Variants in ETV6 observed in about 807,000 individuals in gnomAD.
The protein encoded by ETV6 is transcription factor ETV6.
A neutral mutation model predicts 51.1 loss-of-function variants in ETV6; 16 were observed. That is an observed-to-expected ratio of 0.31 (90% CI 0.21 to 0.48). The LOEUF (loss-of-function observed/expected upper bound fraction) is 0.48. Among genes scored for constraint, ETV6 ranks in the 20% least tolerant of loss-of-function variants. ETV6 has a pLI of 0.99. For missense variants in ETV6, 458 were observed against 594.8 expected (o/e 0.77, Z 2.39); for synonymous variants, 240 against 224.1 (o/e 1.07, Z -0.64).
chr12:11,855,510 C>T (rs529567135), intron 4 of ETV6, among the ~76,000 whole-genome samples: 2 of 152,308 alleles, frequency 1.3e-5, no homozygotes, highest in South Asian at 4.1e-4. Flanking sequence ...GACCTCAAAC[C>T]CTGGTCCCTT....
chr12:11,887,140 TA>T (rs1947202760), intron 7 of ETV6, among the ~76,000 whole-genome samples: 1 of 152,088 alleles, frequency 6.6e-6, no homozygotes, highest in Non-Finnish European at 1.5e-5. Context: ...GGAAACAGAA[TA>T]GAAGGAATAA....
At chr12:11,726,614 G>GA (rs1438788457) in intron 1 of ETV6, among the ~76,000 whole-genome samples, 2 of 151,976 alleles carry the variant, frequency 1.3e-5, no homozygotes, top group Non-Finnish European at 2.9e-5. Flanking sequence ...TTCATCCCTA[G>GA]AAAAAACAAT....
chr12:11,714,916 G>A (rs1865246731), intron 1 of ETV6, among the ~76,000 whole-genome samples: 1 of 152,178 alleles, frequency 6.6e-6, no homozygotes. Context: ...GTTTTGAAGA[G>A]ATGACTGACA....
intron 2 of ETV6, among the ~76,000 whole-genome samples, chr12:11,799,502 A>T (rs1236078822): frequency 1.3e-5 from 2 of 152,160 alleles, no homozygotes; most frequent in Non-Finnish European, 2.9e-5. Flanking sequence ...TATGAAAGAG[A>T]GGAGAGGAGA....
At chr12:11,812,845 C>T (rs1242861745) in intron 2 of ETV6, among the ~76,000 whole-genome samples, 1 of 152,178 alleles carries the variant, frequency 6.6e-6, no homozygotes, top group Non-Finnish European at 1.5e-5. Context: ...TTCACCACCA[C>T]AAGGGGAAAT....
At chr12:11,820,026 C>A (rs540745697) in intron 2 of ETV6, among the ~76,000 whole-genome samples, 2 of 152,222 alleles carry the variant, frequency 1.3e-5, no homozygotes, top group Admixed American at 1.3e-4. Context: ...TTATGAAGTT[C>A]GCAATCCATA....
At chr12:11,651,247 T>A (rs2120591409) in intron 1 of ETV6, among the ~76,000 whole-genome samples, 1 of 152,374 alleles carries the variant, frequency 6.6e-6, no homozygotes, top group Middle Eastern at 3.4e-3. Flanking sequence ...GTGTGTTCAC[T>A]GAATGGACAC....
intron 1 of ETV6, among the ~76,000 whole-genome samples, chr12:11,699,400 C>T (rs892704597): frequency 5.9e-5 from 9 of 152,054 alleles, no homozygotes; most frequent in South Asian, 2.1e-4. Flanking sequence ...CCATAAAACA[C>T]GAATCATCTG....
intron 2 of ETV6, among the ~76,000 whole-genome samples, chr12:11,781,091 C>A (rs1269865343): frequency 6.6e-6 from 1 of 152,198 alleles, no homozygotes; most frequent in Non-Finnish European, 1.5e-5. Flanking sequence ...TAAACCCCTG[C>A]TTTAAGAAAA....
At chr12:11,693,122 C>A (rs909840076) in intron 1 of ETV6, among the ~76,000 whole-genome samples, 4 of 152,084 alleles carry the variant, frequency 2.6e-5, no homozygotes, top group Non-Finnish European at 5.9e-5. Context: ...TAGAGAGTGC[C>A]TACCTCTCCT....
intron 1 of ETV6, among the ~76,000 whole-genome samples, chr12:11,692,174 TA>T (rs1309364280): frequency 6.6e-6 from 1 of 152,024 alleles, no homozygotes; most frequent in Non-Finnish European, 1.5e-5. Context: ...ATTAATGGAT[TA>T]ATGGGTTATT....
At chr12:11,888,398 C>CTTTTCTTTTTTTTTTTTT (rs753710183) in intron 7 of ETV6, among the ~76,000 whole-genome samples, 1 of 80,682 alleles carries the variant, frequency 1.2e-5, no homozygotes, top group African/African-American at 4.5e-5. Context: ...CTTTTCTTTT[C>CTTTTCTTTTTTTTTTTTT]TTTTTTTTTT....
chr12:11,650,507 A>ACAAG (rs1863883598), intron 1 of ETV6, among the ~76,000 whole-genome samples: 1 of 147,426 alleles, frequency 6.8e-6, no homozygotes, highest in Non-Finnish European at 1.5e-5. Context: ...AAAAAACAAA[A>ACAAG]AAAAAAAACC....
chr12:11,738,654 G>A (rs953470055), intron 1 of ETV6, among the ~76,000 whole-genome samples: 1 of 152,082 alleles, frequency 6.6e-6, no homozygotes, highest in Non-Finnish European at 1.5e-5. Flanking sequence ...TGGGAGTCAG[G>A]CCAGCAAATG....
chr12:11,784,704 C>T (rs553843152), intron 2 of ETV6, among the ~76,000 whole-genome samples: 1 of 151,756 alleles, frequency 6.6e-6, no homozygotes. Context: ...TGTAAAGATA[C>T]TGTGTTTTTT....
At chr12:11,681,556 GTTTTA>G (rs1864531823) in intron 1 of ETV6, among the ~76,000 whole-genome samples, 1 of 151,940 alleles carries the variant, frequency 6.6e-6, no homozygotes, top group South Asian at 2.1e-4. Context: ...AAATTCTCAC[GTTTTA>G]TTTATTATTA....
At chr12:11,870,974 G>A (rs186651091) in intron 5 of ETV6, among the ~76,000 whole-genome samples, 1 of 152,276 alleles carries the variant, frequency 6.6e-6, no homozygotes, top group East Asian at 1.9e-4. Context: ...GCTTTGCAGG[G>A]GAGAGAGCCT....
intron 2 of ETV6, among the ~76,000 whole-genome samples, chr12:11,802,246 C>G (rs534064526): frequency 6.6e-6 from 1 of 152,274 alleles, no homozygotes; most frequent in Non-Finnish European, 1.5e-5. Context: ...CAGGAATCTC[C>G]CTGGGATGGT....
intron 2 of ETV6, among the ~76,000 whole-genome samples, chr12:11,782,403 T>A (rs73068869): frequency 6.6e-6 from 1 of 152,336 alleles, no homozygotes; most frequent in Non-Finnish European, 1.5e-5. Context: ...AGAGGAGTTT[T>A]TAACCTGGAA....
Sources: allele counts gnomAD v4.1 joint callset (sites outside exome capture counted in the v4.1 genomes callset), GRCh38; gene constraint gnomAD v4.1.1; transcripts MANE v1.5; gene names NCBI Gene and HGNC (gene_info 2026-07-23, HGNC 2026-07-21).